Variants in LARGE1 observed in about 807,000 individuals in gnomAD.
LARGE1 encodes the protein LARGE xylosyl- and glucuronyltransferase 1.
LARGE1 carries 43 observed loss-of-function variants against 87.6 expected under a neutral mutation model. That is an observed-to-expected ratio of 0.49 (90% confidence interval 0.38 to 0.63). LARGE1 has a LOEUF of 0.63. Ranked by LOEUF, LARGE1 falls within the 30% of genes least tolerant of loss-of-function variation. The pLI is 0.00. For missense variants in LARGE1, 802 were observed against 1,000.2 expected (o/e 0.80, Z 2.67); for synonymous variants, 434 against 394.6 (o/e 1.10, Z -1.18).
intron 2 of LARGE1, among the ~76,000 whole-genome samples, chr22:33,751,498 C>A (rs936512537): frequency 3.4e-4 from 51 of 148,488 alleles, no homozygotes; most frequent in Admixed American, 2.1e-3. Context: ...AAAAAAAAAA[C>A]AAAAACAAAC....
the LARGE1 span, among the ~76,000 whole-genome samples, chr22:33,078,458 T>C: frequency 2.0e-5 from 3 of 152,208 alleles, no homozygotes; most frequent in Non-Finnish European, 4.4e-5. Context: ...AATAATCCAT[T>C]ACAACATGTA....
chr22:33,839,323 T>A lies in LARGE1; in HGVS notation c.-82-77765A>T, dbSNP rs1254456671. 2.0e-5 allele frequency among the ~76,000 whole-genome samples: 3 copies of A among 152,148 alleles called. No homozygotes were observed. In the South Asian group the frequency reaches 6.2e-4, roughly 32 times the overall value. ...TTTCTCATGAGTAAGAACTGTTTCATCACCAAGGGGTCAGTGCTAACCCAT... is the reference window on the plus strand; with the variant it reads ...TTTCTCATGAGTAAGAACTGTTTCAACACCAAGGGGTCAGTGCTAACCCAT... On this transcript the variant is annotated intron_variant, in intron 1 of 14. Transcript: ENST00000397394.
At chr22:33,402,365 G>A (rs1388725841) in intron 7 of LARGE1, among the ~76,000 whole-genome samples, 3 of 152,178 alleles carry the variant, frequency 2.0e-5, no homozygotes, top group Non-Finnish European at 4.4e-5. Context: ...TTATGCAGTG[G>A]CAGAATACAG....
chr22:33,526,949 G>T (rs1159528906), intron 6 of LARGE1, among the ~76,000 whole-genome samples: 1 of 152,158 alleles, frequency 6.6e-6, no homozygotes, highest in Non-Finnish European at 1.5e-5. Flanking sequence ...GCGTTACCAC[G>T]GGAGTTGCTT....
At chr22:33,395,939 A>C (rs2065725530) in intron 7 of LARGE1, among the ~76,000 whole-genome samples, 1 of 152,202 alleles carries the variant, frequency 6.6e-6, no homozygotes, top group Non-Finnish European at 1.5e-5. Context: ...GGCTTCCAAC[A>C]CTGTCAGAAC....
intron 6 of LARGE1, among the ~76,000 whole-genome samples, chr22:33,447,950 A>G (rs1186275444): frequency 6.6e-6 from 1 of 152,108 alleles, no homozygotes; most frequent in Non-Finnish European, 1.5e-5. Flanking sequence ...AACCTTGGAA[A>G]CCTTATGTCA....
chr22:33,120,349 TTTC>T, the LARGE1 span, among the ~76,000 whole-genome samples: 3 of 113,842 alleles, frequency 2.6e-5, no homozygotes, highest in Admixed American at 8.5e-5. Context: ...TTTTCTTTCT[TTTC>T]TTTCTTTTTC....
At chr22:33,569,201 T>A (rs1383327063) in intron 5 of LARGE1, among the ~76,000 whole-genome samples, 1 of 152,246 alleles carries the variant, frequency 6.6e-6, no homozygotes, top group Non-Finnish European at 1.5e-5. Flanking sequence ...AGAGCTGTGC[T>A]ATTTAATCAG....
At chr22:33,311,413 A>G (rs535984540) in intron 11 of LARGE1, among the ~76,000 whole-genome samples, 18 of 152,340 alleles carry the variant, frequency 1.2e-4, no homozygotes, top group Non-Finnish European at 1.8e-4. Context: ...AACTAGAAAC[A>G]TGTTTGTTCT....
the LARGE1 span, among the ~76,000 whole-genome samples, chr22:33,125,723 G>C: frequency 6.6e-6 from 1 of 152,174 alleles, no homozygotes; most frequent in Admixed American, 6.5e-5. Context: ...GGGATTACAG[G>C]TGTGAGTCAC....
At chr22:33,577,863 T>C (rs894581978) in intron 5 of LARGE1, among the ~76,000 whole-genome samples, 1 of 152,200 alleles carries the variant, frequency 6.6e-6, no homozygotes, top group African/African-American at 2.4e-5. Context: ...TCACCACACA[T>C]AGAAGGCAAA....
chr22:33,290,035 CAAAG>C (rs1047237429), intron 12 of LARGE1, among the ~76,000 whole-genome samples: 53 of 152,060 alleles, frequency 3.5e-4, no homozygotes, highest in African/African-American at 1.3e-3. Flanking sequence ...CTGCATAAAC[CAAAG>C]AAACAGCATG....
At chr22:33,864,800 A>C (rs2064037408) in intron 1 of LARGE1, among the ~76,000 whole-genome samples, 2 of 152,218 alleles carry the variant, frequency 1.3e-5, no homozygotes, top group Admixed American at 1.3e-4. Flanking sequence ...TCCTACTTTC[A>C]GAATCTACAG....
At chr22:33,403,057 AAACAAC>A (rs75141421) in intron 7 of LARGE1, among the ~76,000 whole-genome samples, 1 of 151,536 alleles carries the variant, frequency 6.6e-6, no homozygotes, top group African/African-American at 2.4e-5. Context: ...AAAACAAAAC[AAACAAC>A]AACAACAACA....
At chr22:33,327,746 T>C (rs984495441) in intron 10 of LARGE1, among the ~76,000 whole-genome samples, 1 of 152,134 alleles carries the variant, frequency 6.6e-6, no homozygotes, top group Non-Finnish European at 1.5e-5. Context: ...CTCACTATGG[T>C]GCCTGGGTTG....
chr22:33,466,682 CT>C (rs1250347564), intron 6 of LARGE1, among the ~76,000 whole-genome samples: 2 of 132,770 alleles, frequency 1.5e-5, no homozygotes, highest in Admixed American at 1.6e-4. Flanking sequence ...CATTCACCCC[CT>C]CTCTCTCTCT....
chr22:33,827,903 G>C (rs2062846679), intron 1 of LARGE1, among the ~76,000 whole-genome samples: 1 of 152,212 alleles, frequency 6.6e-6, no homozygotes, highest in South Asian at 2.1e-4. Context: ...TTTCCAACAA[G>C]TTCCCAGGTG....
At chr22:33,457,397 C>G (rs2068182677) in intron 6 of LARGE1, among the ~76,000 whole-genome samples, 1 of 144,056 alleles carries the variant, frequency 6.9e-6, no homozygotes, top group African/African-American at 2.6e-5. Context: ...AGTGATTCAT[C>G]TGCCCGCCTC....
rs1477131731 is a variant in LARGE1 at position 33,316,225 on chromosome 22, C to T, written c.1311G>A (p.Leu437=). Residue 437 remains leucine (L), a synonymous_variant, in exon 11 of 15, where the codon CTG becomes CTA. Coordinates refer to ENST00000397394, the MANE Select transcript of LARGE1 (RefSeq NM_133642.5). The part of the protein sequence containing the change: ...SENLQKQLSE[L]DEDDLCYEFR... ...ACTCATAGCACAGGTCGTCCTCGTC[C>T]AGCTCAGACAGCTGCTTCTGGAGCT... 6.2e-7 allele frequency: 1 copy of T among 1,613,884 alleles called. No individual in the cohort carries two copies.
Sources: gnomAD v4.1 joint callset for allele counts (sites outside exome capture counted in the v4.1 genomes callset) on GRCh38, gnomAD v4.1.1 for gene constraint, MANE v1.5 for transcripts, NCBI Gene and HGNC (gene_info 2026-07-23, HGNC 2026-07-21) for gene names.